The following MORC2 variants were observed in gnomAD, a reference collection of about 807,000 sequenced individuals.
The protein encoded by MORC2 is ATPase MORC2.
MORC2 carries 30 observed loss-of-function variants against 136.0 expected under a neutral mutation model. That is an observed-to-expected ratio of 0.22 (90% CI 0.17 to 0.30). MORC2 has a LOEUF of 0.30. MORC2 is among the 10% of genes least tolerant of loss of function. The pLI, the probability that MORC2 is intolerant of heterozygous loss-of-function variation, is 1.00. For missense variants in MORC2, 922 were observed against 1,333.1 expected, an observed-to-expected ratio of 0.69 and a Z score of 4.80; for synonymous variants, 439 against 487.0, an observed-to-expected ratio of 0.90 and a Z score of 1.30.
chr22:30,931,509 C>T (rs1262037291), intron 24 of MORC2, among the ~76,000 whole-genome samples: 1 of 152,222 alleles, frequency 6.6e-6, no homozygotes, highest in Non-Finnish European at 1.5e-5. Context: ...GTATGACTTA[C>T]ACTGGGGATT....
rs1237819801 is a variant in MORC2, at chr22:30,937,818, T to C, written c.1366A>G (p.Ile456Val). 7 of 1,614,142 alleles carry C rather than the reference T, an allele frequency of 4.3e-6. No homozygotes were observed. Among genetic ancestry groups the C allele is most frequent in the Non-Finnish European group, 5.9e-6 (7 of 1,180,024 alleles). The change falls in exon 14 of 26, where the codon ATC (isoleucine) becomes GTC (valine). Residue 456 changes from isoleucine (I) to valine (V), a missense_variant. Transcript: ENST00000397641. The surrounding 1 kb of genome is among the most constrained non-coding windows in gnomAD (Gnocchi z 4.7). ...CCCAGCAGCCCAGCCCCATTACCGA[T>C]GGCAATATCCTTCCAATACTGCGCC... ...HLAQYWKDIA[I>V]AQRGIIKFWD...
At chr22:30,958,733 T>A in intron 1 of MORC2, 39 bp from the exon 2 acceptor site, 1 of 1,459,372 alleles carries the variant, frequency 6.9e-7, no homozygotes, top group Non-Finnish European at 9.4e-7. Context: ...AAAGAATTAT[T>A]GAAGTTATAA....
Position 30,947,490 on chromosome 22 carries a change from G to A in MORC2, c.318-1041C>T, listed in dbSNP as rs1433350854. Among the ~76,000 whole-genome samples, 9 of 152,190 alleles carry A rather than the reference G, an allele frequency of 5.9e-5. No individual in the cohort carries two copies. In the East Asian group the frequency reaches 1.7e-3, roughly 29 times the overall value. On this transcript the variant is annotated intron_variant, in intron 5 of 25. Coordinates refer to ENST00000397641, the MANE Select transcript of MORC2 (RefSeq NM_001303256.3). ...AACACCCCAGGGAGATGATGGAGGT[G>A]GAAAGCCTCATTACTCTCTTCTGTG...
intron 10 of MORC2, among the ~76,000 whole-genome samples, chr22:30,940,391 G>A (rs1358415821): frequency 6.6e-6 from 1 of 151,958 alleles, no homozygotes; most frequent in African/African-American, 2.4e-5. Flanking sequence ...ACAAGCAGCC[G>A]AGAAACCCTG....
chr22:30,927,883 G>T, intron 25 of MORC2, 136 bp downstream of exon 25: 1 of 1,057,420 alleles, frequency 9.5e-7, no homozygotes, highest in Non-Finnish European at 1.3e-6. Flanking sequence ...CCTCCTGCCA[G>T]GGTGCTGTGC....
In MORC2 at chr22:30,968,225, G is replaced by A. The variant is rs1314593243; in HGVS notation, c.-336C>T. ...CGTGTGGATGGTCCTGAAGGAGATGGTCCTTGAGTGGGTGGTTTATGACTG... is the reference window on the plus strand; with the variant it reads ...CGTGTGGATGGTCCTGAAGGAGATGATCCTTGAGTGGGTGGTTTATGACTG... On this transcript the variant is annotated 5_prime_UTR_variant, in exon 1 of 26. Transcript: ENST00000397641. The A allele has an allele frequency of 4.9e-6, 1 of 205,664 alleles. No individual in the cohort carries two copies. The highest frequency in any genetic ancestry group is 2.3e-5 in the African/African-American group (1 of 42,600). 12.7% of individuals were successfully genotyped at this position (205,664 alleles called of 1,614,324 possible).
intron 17 of MORC2, among the ~76,000 whole-genome samples, chr22:30,936,000 T>C (rs1407435257): frequency 1.3e-5 from 2 of 152,184 alleles, no homozygotes; most frequent in Non-Finnish European, 2.9e-5. Flanking sequence ...ACTTTAGAAA[T>C]AGTTGCAAAA....
chr22:30,933,380 T>A, intron 21 of MORC2, 86 bp downstream of exon 21: 1 of 1,448,460 alleles, frequency 6.9e-7, no homozygotes, highest in Non-Finnish European at 9.6e-7. Flanking sequence ...CAATGAGCCT[T>A]TGGTAAATTG....
intron 6 of MORC2, among the ~76,000 whole-genome samples, chr22:30,943,790 C>T (rs1305947158): frequency 1.3e-5 from 2 of 152,046 alleles, no homozygotes; most frequent in Non-Finnish European, 2.9e-5. Context: ...GGCTGGAGTG[C>T]GATGGCATGA....
Position 30,925,525 on chromosome 22 carries a change from C to G in MORC2, c.*1278G>C, listed in dbSNP as rs2040470594. On this transcript the variant is annotated 3_prime_UTR_variant, in exon 26 of 26. Transcript: ENST00000397641. ...CTCTGCTTCCCAGTCTTCTGCTGACCTCAGAGGAGCAGGGTGGCCATTGCT... is the reference window on the plus strand; with the variant it reads ...CTCTGCTTCCCAGTCTTCTGCTGACGTCAGAGGAGCAGGGTGGCCATTGCT... 1 of 156,258 alleles carries G rather than the reference C, an allele frequency of 6.4e-6. No homozygotes were observed. Among genetic ancestry groups the G allele is most frequent in the Non-Finnish European group, 1.4e-5 (1 of 69,906 alleles). The allele number at this position is 156,258 out of a possible 1,614,324, so 9.7% of individuals were successfully genotyped here.
At chr22:30,959,567 G>A (rs2041014069) in intron 1 of MORC2, among the ~76,000 whole-genome samples, 1 of 152,040 alleles carries the variant, frequency 6.6e-6, no homozygotes, top group African/African-American at 2.4e-5. Flanking sequence ...AATTTACACT[G>A]TTTAATTTGT....
At chr22:30,949,648 T>C (rs2040861645) in intron 5 of MORC2, 104 bp downstream of exon 5, 1 of 950,500 alleles carries the variant, frequency 1.1e-6, no homozygotes, top group Non-Finnish European at 1.6e-6. Context: ...TCCAGAATTA[T>C]AGTCAATAGA....
intron 16 of MORC2, 62 bp from the exon 17 acceptor site, chr22:30,936,705 T>C: frequency 6.3e-7 from 1 of 1,587,208 alleles, no homozygotes; most frequent in Non-Finnish European, 8.6e-7. Flanking sequence ...GCAAGGACCT[T>C]TCTCTTCAGC....
At chr22:30,957,169 T>C (rs541332876) in intron 2 of MORC2, among the ~76,000 whole-genome samples, 34 of 152,324 alleles carry the variant, frequency 2.2e-4, no homozygotes, top group Admixed American at 4.6e-4. Context: ...AAAAAGATGT[T>C]CCAATAACTT....
intron 6 of MORC2, among the ~76,000 whole-genome samples, chr22:30,943,049 A>G (rs572117138): frequency 6.6e-6 from 1 of 152,196 alleles, no homozygotes; most frequent in South Asian, 2.1e-4. Flanking sequence ...TCCATTCTAG[A>G]GTGGCCAAAT....
At position 30,938,157 on chromosome 22, in the gene MORC2, A is replaced by G. The variant is rs1163699457; in HGVS notation, c.1122T>C (p.Ile374=). 7 of 1,614,048 alleles carry G rather than the reference A, an allele frequency of 4.3e-6. No homozygotes were observed. The African/African-American group carries it at 9.3e-5, about 22-fold the overall frequency. The change falls in exon 13 of 26, where the codon ATT becomes ATC. Residue 374 remains isoleucine (I), a synonymous_variant. Transcript: ENST00000397641. The part of the protein sequence containing the change: ...KELNFVFGVN[I]EHRDLDGMFI... ...ACATGCCATCCAGATCCCGGTGTTC[A>G]ATGTTGACACCAAAAACAAAATTCA...
At chr22:30,945,513 G>C (rs1473845785) in intron 6 of MORC2, among the ~76,000 whole-genome samples, 1 of 152,130 alleles carries the variant, frequency 6.6e-6, no homozygotes, top group African/African-American at 2.4e-5. Flanking sequence ...CTTCTTTCAA[G>C]CCCTGGCCTC....
intron 3 of MORC2, among the ~76,000 whole-genome samples, chr22:30,953,663 T>C (rs1320262489): frequency 2.0e-5 from 3 of 152,218 alleles, no homozygotes; most frequent in Non-Finnish European, 1.5e-5. Flanking sequence ...ATCATTGCCC[T>C]GGCATCACGA....
At position 30,937,056 on chromosome 22, in the gene MORC2, C is replaced by T. The variant is rs368857982; in HGVS notation, c.1499-19G>A. 4.5e-6 allele frequency: 7 copies of T among 1,572,878 alleles called. No individual in the cohort carries two copies. The highest frequency in any genetic ancestry group is 3.5e-6 in the Non-Finnish European group (4 of 1,143,152). On this transcript the variant is annotated intron_variant, in intron 15 of 25. Transcript: ENST00000397641. This position sits in a 1 kb window ranked among gnomAD's most constrained non-coding sequence, Gnocchi z 4.7. ...CACAAATCTGCAGAGAGCAAAAAAA[C>T]CCCACATATCAGCCACGCCCACCAA...
Sources: allele counts gnomAD v4.1 joint callset (sites outside exome capture counted in the v4.1 genomes callset), GRCh38; gene constraint gnomAD v4.1.1; non-coding constraint Gnocchi (gnomAD v3.1); transcripts MANE v1.5; gene names NCBI Gene and HGNC (gene_info 2026-07-23, HGNC 2026-07-21).